Variants in SSX5 observed in about 807,000 individuals in gnomAD.
SSX5 encodes SSX family member 5.
In SSX5, 14 loss-of-function variants were observed where a neutral mutation model predicts 14.9. The ratio of observed to expected loss-of-function variants is 0.94; its 90% CI spans 0.62 to 1.47. The LOEUF (loss-of-function observed/expected upper bound fraction) is 1.47. Ranked by LOEUF, SSX5 falls within the 40% of genes most tolerant of loss-of-function variation. SSX5 has a pLI of 0.00. For missense variants in SSX5, 204 were observed against 154.6 expected (o/e 1.32, Z -1.70); for synonymous variants, 70 against 55.4 (o/e 1.26, Z -1.17).
At chrX:48,187,867 C>G in intron 6 of SSX5, 136 bp from the exon 7 acceptor site, 2 of 841,181 alleles carry the variant, frequency 2.4e-6, no homozygotes, top group South Asian at 4.8e-5. Flanking sequence ...TCTTCTTTAT[C>G]CAGTTTTTCA....
At chrX:48,191,863 A>T (rs1417550803) in intron 5 of SSX5, among the ~76,000 whole-genome samples, 1 of 112,078 alleles carries the variant, frequency 8.9e-6, no homozygotes, top group African/African-American at 3.2e-5. Context: ...CCATTTCATG[A>T]ACCAGGAATC....
At chrX:48,196,511 T>C (rs2059441926) in intron 1 of SSX5, among the ~76,000 whole-genome samples, 1 of 109,167 alleles carries the variant, frequency 9.2e-6, no homozygotes, top group Admixed American at 9.9e-5. Context: ...CCAAAACTGC[T>C]GGGATTACAA....
In SSX5 at chrX:48,194,754, G is replaced by A. The variant is rs2059433621; in HGVS notation, c.170C>T (p.Ala57Val). 1 of 1,208,328 alleles carries A rather than the reference G, an allele frequency of 8.3e-7. No homozygotes were observed. The highest frequency in any genetic ancestry group is 1.1e-6 in the Non-Finnish European group (1 of 893,232). Reference sequence around the variant, plus strand: ...CTTTCTGTTACCTAGTTTAGTCATGGCCTCATACTTTCTCTTCATATACAC... The same window carrying A: ...CTTTCTGTTACCTAGTTTAGTCATGACCTCATACTTTCTCTTCATATACAC... ...IYVYMKRKYE[A>V]MTKLGFKATL... Residue 57 changes from alanine to valine, a missense_variant, in exon 3 of 8, where the codon GCC becomes GTC. By Grantham distance (64) the Ala-to-Val change is moderately conservative. Transcript: ENST00000347757.
intron 1 of SSX5, among the ~76,000 whole-genome samples, chrX:48,195,981 G>A (rs1556925755): frequency 9.0e-6 from 1 of 111,549 alleles, no homozygotes; most frequent in African/African-American, 3.3e-5. Context: ...GAGAGAATGT[G>A]GGGTGTTTCA....
rs782423640 is a variant in SSX5 at position 48,192,286 on chromosome X, AAG to A, written c.281-7_281-6del. 2 of 1,211,270 alleles carry A rather than the reference AAG, an allele frequency of 1.7e-6. No homozygotes were observed. Among genetic ancestry groups the A allele is most frequent in the South Asian group, 1.8e-5 (1 of 56,969 alleles). On this transcript the variant is annotated splice_region_variant and splice_polypyrimidine_tract_variant and intron_variant, in intron 4 of 7. Transcript: ENST00000347757. ...AAGTCATCTGAGGATGTTCAACTGAAAGAGAATACATCAGAATTTTTCTTTGT... is the reference window on the plus strand; with the variant it reads ...AAGTCATCTGAGGATGTTCAACTGAAAGAATACATCAGAATTTTTCTTTGT...
At chrX:48,196,005 G>A (rs1239696098) in intron 1 of SSX5, among the ~76,000 whole-genome samples, 1 of 111,162 alleles carries the variant, frequency 9.0e-6, no homozygotes, top group Non-Finnish European at 1.9e-5. Context: ...TGCACAATCA[G>A]CCAGGCTCGG....
rs1181698577 is a variant in SSX5, at chrX:48,194,947, A to G, written c.70-93T>C. 5 of 1,209,618 alleles carry G rather than the reference A, an allele frequency of 4.1e-6. No individual in the cohort carries two copies. In the African/African-American group the frequency reaches 5.2e-5, roughly 13 times the overall value. On this transcript the variant is annotated intron_variant, in intron 2 of 7. Coordinates refer to ENST00000347757, the MANE Select transcript of SSX5 (RefSeq NM_175723.2). ...TTCCTGTGTGCTGGATCTGGGAAGT[A>G]GGGATGATAATCCGTCCTGGTTGAT...
At chrX:48,191,910 G>GC (rs1286910591) in intron 5 of SSX5, among the ~76,000 whole-genome samples, 15 of 112,068 alleles carry the variant, frequency 1.3e-4, no homozygotes, top group African/African-American at 4.9e-4. Flanking sequence ...GTGCCAAGTC[G>GC]CCTGCCTTTT....
At chrX:48,190,892 A>G (rs782178129) in intron 5 of SSX5, among the ~76,000 whole-genome samples, 5 of 109,848 alleles carry the variant, frequency 4.6e-5, no homozygotes, top group African/African-American at 1.3e-4. Flanking sequence ...TGTATCACTG[A>G]CCAACACTCT....
chrX:48,191,544 C>A (rs375598451), intron 5 of SSX5, among the ~76,000 whole-genome samples: 2 of 111,490 alleles, frequency 1.8e-5, no homozygotes, highest in Admixed American at 9.6e-5. Context: ...ACAGTCAAAG[C>A]GATTCCTAAG....
intron 7 of SSX5, 56 bp from the exon 8 acceptor site, chrX:48,186,912 A>G: frequency 8.5e-7 from 1 of 1,182,830 alleles, no homozygotes; most frequent in South Asian, 1.8e-5. Context: ...CCACATGACA[A>G]CTCAATCTCA....
At chrX:48,193,653 A>C (rs1215362795) in intron 4 of SSX5, among the ~76,000 whole-genome samples, 2 of 110,958 alleles carry the variant, frequency 1.8e-5, no homozygotes, top group African/African-American at 6.6e-5. Context: ...GGAGGCTGAG[A>C]CAGGAGAATC....
chrX:48,195,016 T>G lies in SSX5; in HGVS notation c.70-162A>C, dbSNP rs782058416. 4 of 1,210,043 alleles carry G rather than the reference T, an allele frequency of 3.3e-6. No homozygotes were observed. The African/African-American group carries it at 5.2e-5, about 16-fold the overall frequency. ...AACATGGGGCACCTACCCTAGCTTC[T>G]CCCCTGCCACACAGTAGAGCTTTAA... On this transcript the variant is annotated intron_variant, in intron 2 of 7. Coordinates refer to ENST00000347757, the MANE Select transcript of SSX5 (RefSeq NM_175723.2).
intron 3 of SSX5, 110 bp downstream of exon 3, chrX:48,194,630 C>A: frequency 1.1e-6 from 1 of 914,000 alleles, no homozygotes; most frequent in Admixed American, 3.2e-5. Context: ...CCATTTTTCC[C>A]TGCACAAAAG....
intron 5 of SSX5, among the ~76,000 whole-genome samples, chrX:48,191,576 C>A (rs1349657620): frequency 9.0e-6 from 1 of 111,722 alleles, no homozygotes; most frequent in Non-Finnish European, 1.9e-5. Flanking sequence ...GCCCCAGTAA[C>A]AGATCAGAGA....
chrX:48,189,866 A>C (rs2059412943), intron 6 of SSX5, among the ~76,000 whole-genome samples: 1 of 112,145 alleles, frequency 8.9e-6, no homozygotes, highest in South Asian at 3.7e-4. Flanking sequence ...TTATGAACTG[A>C]GATTCTTTAT....
At chrX:48,194,920 G>T in intron 2 of SSX5, 66 bp from the exon 3 acceptor site, 2 of 1,205,269 alleles carry the variant, frequency 1.7e-6, no homozygotes, top group Non-Finnish European at 2.2e-6. Flanking sequence ...AGCTGGAGCC[G>T]CTTCCTGTGT....
In SSX5 at chrX:48,190,623, A is replaced by G. The variant is rs183484916; in HGVS notation, c.331-355T>C. ...ACAAAGGGAAGAGTTTCCGTAAAAT[A>G]CAAGGGATCCCATATAAGCTCGTAG... On this transcript the variant is annotated intron_variant, in intron 5 of 7. Coordinates refer to ENST00000347757, the MANE Select transcript of SSX5 (RefSeq NM_175723.2). Among the ~76,000 whole-genome samples, 27 of 112,048 alleles carry G rather than the reference A, an allele frequency of 2.4e-4. No individual in the cohort carries two copies. In the East Asian group the frequency reaches 6.4e-3, roughly 27 times the overall value.
chrX:48,189,743 G>A (rs782118641), intron 6 of SSX5, among the ~76,000 whole-genome samples: 1 of 111,724 alleles, frequency 9.0e-6, no homozygotes, highest in Non-Finnish European at 1.9e-5. Context: ...CCTATATCGG[G>A]TAACAGGCAT....
Sources: gnomAD v4.1 joint callset for allele counts (sites outside exome capture counted in the v4.1 genomes callset) on GRCh38, gnomAD v4.1.1 for gene constraint, MANE v1.5 for transcripts, NCBI Gene and HGNC (gene_info 2026-07-23, HGNC 2026-07-21) for gene names.